Variants in RANBP2 observed in about 807,000 individuals in gnomAD.
The protein encoded by RANBP2 is RAN binding protein 2, also known as E3 SUMO-protein ligase RanBP2.
A neutral mutation model predicts 303.6 loss-of-function variants in RANBP2; 57 were observed. The observed-to-expected ratio is 0.19, with a 90% CI of 0.15 to 0.23. The LOEUF is 0.23. Among genes scored for constraint, RANBP2 ranks in the 10% least tolerant of loss-of-function variants. The pLI is 1.00. For missense variants in RANBP2, 3,138 were observed against 3,780.8 expected (o/e 0.83, Z 4.46); for synonymous variants, 1,167 against 1,301.5 (o/e 0.90, Z 2.23).
At chr2:109,487,190 A>G in the RANBP2 span, among the ~76,000 whole-genome samples, 1 of 152,120 alleles carries the variant, frequency 6.6e-6, no homozygotes, top group Non-Finnish European at 1.5e-5. Flanking sequence ...TCCTTAACAT[A>G]ATCTTTCAGC....
the RANBP2 span, among the ~76,000 whole-genome samples, chr2:109,248,539 C>T: frequency 1.3e-5 from 2 of 152,216 alleles, no homozygotes; most frequent in African/African-American, 4.8e-5. Flanking sequence ...TGTTACTACC[C>T]TGTAGTTAAT....
At chr2:108,761,275 A>G (rs4012052) in intron 18 of RANBP2, among the ~76,000 whole-genome samples, 2 of 150,808 alleles carry the variant, frequency 1.3e-5, no homozygotes, top group African/African-American at 4.9e-5. Context: ...TAAGGTTTCC[A>G]AAATCAAACT....
the RANBP2 span, among the ~76,000 whole-genome samples, chr2:109,049,843 G>A: frequency 2.0e-3 from 311 of 152,248 alleles, 1 homozygote; most frequent in African/African-American, 6.2e-3. Context: ...AGGTTTTCCC[G>A]TTCGGGGCTA....
At chr2:108,863,681 T>A in the RANBP2 span, among the ~76,000 whole-genome samples, 1 of 152,242 alleles carries the variant, frequency 6.6e-6, no homozygotes, top group Non-Finnish European at 1.5e-5. Flanking sequence ...TATTTTGTTA[T>A]GTTTATCATC....
At chr2:109,630,733 A>C in the RANBP2 span, among the ~76,000 whole-genome samples, 1 of 152,120 alleles carries the variant, frequency 6.6e-6, no homozygotes, top group Non-Finnish European at 1.5e-5. Context: ...GACTTTGTGG[A>C]GGTAATGTTG....
chr2:108,794,555 A>T, the RANBP2 span: 1 of 1,610,568 alleles, frequency 6.2e-7, no homozygotes, highest in Non-Finnish European at 8.5e-7. Flanking sequence ...TTGCCAACTA[A>T]TACGACCTCA....
At chr2:108,756,459 T>G (rs1408701005) in intron 17 of RANBP2, among the ~76,000 whole-genome samples, 1 of 152,232 alleles carries the variant, frequency 6.6e-6, no homozygotes, top group Non-Finnish European at 1.5e-5. Flanking sequence ...TAAGGTTACA[T>G]CAAGGATATG....
chr2:109,045,123 G>C, the RANBP2 span, among the ~76,000 whole-genome samples: 16 of 152,220 alleles, frequency 1.1e-4, no homozygotes, highest in East Asian at 3.1e-3. Context: ...CTTGTTCTAA[G>C]TGCAGGGACA....
the RANBP2 span, among the ~76,000 whole-genome samples, chr2:109,488,608 T>C: frequency 6.6e-6 from 1 of 152,166 alleles, no homozygotes; most frequent in Admixed American, 6.5e-5. Context: ...CACGGTTTCT[T>C]CTTTTCCTTT....
the RANBP2 span, among the ~76,000 whole-genome samples, chr2:109,024,117 G>T: frequency 7.5e-4 from 114 of 152,194 alleles, no homozygotes; most frequent in African/African-American, 2.5e-3. Context: ...TAGAGACGGG[G>T]TTTCTCCATA....
chr2:108,916,232 A>T, the RANBP2 span, among the ~76,000 whole-genome samples: 2 of 152,230 alleles, frequency 1.3e-5, no homozygotes. Context: ...AGGGAGCTTA[A>T]GATACACTGT....
At chr2:109,249,825 TTTTTG>T in the RANBP2 span, among the ~76,000 whole-genome samples, 2 of 149,518 alleles carry the variant, frequency 1.3e-5, no homozygotes, top group African/African-American at 2.5e-5. Context: ...CCCGGCTAAT[TTTTTG>T]TTTTATTTAT....
chr2:109,218,516 A>G, the RANBP2 span, among the ~76,000 whole-genome samples: 1 of 152,228 alleles, frequency 6.6e-6, no homozygotes, highest in African/African-American at 2.4e-5. Flanking sequence ...AGCAGATGGA[A>G]GGGTGTGTGG....
the RANBP2 span, among the ~76,000 whole-genome samples, chr2:109,441,997 A>G: frequency 0.016 from 2,281 of 145,136 alleles, 62 homozygotes; most frequent in African/African-American, 0.062. Flanking sequence ...TAGTAAAACT[A>G]AAAGATTTTG....
the RANBP2 span, among the ~76,000 whole-genome samples, chr2:109,086,440 T>C: frequency 1.3e-5 from 2 of 152,138 alleles, no homozygotes; most frequent in Non-Finnish European, 2.9e-5. Flanking sequence ...AGCCCAAGGA[T>C]TGGTGGGGGT....
chr2:108,853,907 T>TATATATTATATATAA, the RANBP2 span, among the ~76,000 whole-genome samples: 65 of 121,076 alleles, frequency 5.4e-4, 1 homozygote, highest in African/African-American at 2.2e-3. Context: ...ATATTATATA[T>TATATATTATATATAA]TATATAGTAT....
chr2:109,422,177 C>T, the RANBP2 span, among the ~76,000 whole-genome samples: 120 of 152,292 alleles, frequency 7.9e-4, no homozygotes, highest in African/African-American at 2.4e-3. Flanking sequence ...GATGTGCTGT[C>T]GTTGCAAAAA....
the RANBP2 span, among the ~76,000 whole-genome samples, chr2:109,468,277 A>G: frequency 6.6e-6 from 1 of 152,200 alleles, no homozygotes; most frequent in Non-Finnish European, 1.5e-5. Context: ...ACCATAGGCA[A>G]CTGTAACACA....
At chr2:109,682,917 A>G in the RANBP2 span, among the ~76,000 whole-genome samples, 1 of 152,208 alleles carries the variant, frequency 6.6e-6, no homozygotes. Flanking sequence ...ATGTTCTTCA[A>G]GCCCACTGAA....
Sources: gnomAD v4.1 joint callset for allele counts (sites outside exome capture counted in the v4.1 genomes callset) on GRCh38, gnomAD v4.1.1 for gene constraint, MANE v1.5 for transcripts, NCBI Gene and HGNC (gene_info 2026-07-23, HGNC 2026-07-21) for gene names.